Variants in ATE1 observed in about 807,000 individuals in gnomAD.
The protein encoded by ATE1 is arginyl-tRNA--protein transferase 1.
Under a neutral mutation model 70.5 loss-of-function variants are expected in ATE1, and 36 were observed. The ratio of observed to expected loss-of-function variants is 0.51; its 90% confidence interval spans 0.39 to 0.67. The LOEUF (loss-of-function observed/expected upper bound fraction) is 0.67. Ranked by LOEUF, ATE1 falls within the 30% of genes least tolerant of loss-of-function variation. ATE1 has a pLI of 0.00. For synonymous variants in ATE1, 232 were observed against 219.3 expected, an observed-to-expected ratio of 1.06 and a Z score of -0.51; for missense variants, 593 against 629.5, an observed-to-expected ratio of 0.94 and a Z score of 0.62.
chr10:121,901,966 C>T (rs1950998255), intron 6 of ATE1, among the ~76,000 whole-genome samples: 1 of 152,114 alleles, frequency 6.6e-6, no homozygotes, highest in Admixed American at 6.6e-5. Flanking sequence ...GTATATGACA[C>T]CATTTGCTGT....
intron 8 of ATE1, among the ~76,000 whole-genome samples, chr10:121,847,189 A>G (rs991489531): frequency 1.2e-4 from 18 of 152,194 alleles, no homozygotes; most frequent in Non-Finnish European, 2.1e-4. Context: ...TGTCTCACGC[A>G]TGTAATCCCA....
chr10:121,822,781 C>T (rs888124056), intron 10 of ATE1, among the ~76,000 whole-genome samples: 5 of 152,054 alleles, frequency 3.3e-5, no homozygotes, highest in Admixed American at 3.3e-4. Flanking sequence ...CCACTGAGTA[C>T]CTTATTTGCC....
chr10:121,756,237 CTCT>C (rs1177309244), intron 11 of ATE1, among the ~76,000 whole-genome samples: 2 of 152,230 alleles, frequency 1.3e-5, no homozygotes, highest in Non-Finnish European at 2.9e-5. Flanking sequence ...ATCCGGGTCA[CTCT>C]GATACAAGAG....
chr10:121,798,909 A>C (rs889211620), intron 10 of ATE1, among the ~76,000 whole-genome samples: 1 of 151,768 alleles, frequency 6.6e-6, no homozygotes, highest in East Asian at 1.9e-4. Flanking sequence ...AAGAAAAAAA[A>C]AAAAAAAGGT....
chr10:121,873,346 G>T (rs1313533975), intron 7 of ATE1, among the ~76,000 whole-genome samples: 1 of 152,052 alleles, frequency 6.6e-6, no homozygotes, highest in Non-Finnish European at 1.5e-5. Context: ...AAAGAAAAAG[G>T]ATACACACAG....
At chr10:121,810,809 TCTC>T (rs1464823528) in intron 10 of ATE1, among the ~76,000 whole-genome samples, 1 of 151,948 alleles carries the variant, frequency 6.6e-6, no homozygotes, top group Non-Finnish European at 1.5e-5. Context: ...TTCAAGCAAT[TCTC>T]CTGTCTCGGC....
At chr10:121,928,432 G>A (rs781490667), upstream of ATE1, 9 of 1,520,462 alleles carry the variant, frequency 5.9e-6, no homozygotes, top group Non-Finnish European at 7.9e-6. Context: ...CCGACGCCAT[G>A]GCCGCCGCGA....
At chr10:121,884,259 G>C (rs1950313127) in intron 7 of ATE1, among the ~76,000 whole-genome samples, 1 of 152,002 alleles carries the variant, frequency 6.6e-6, no homozygotes, top group South Asian at 2.1e-4. Flanking sequence ...AATGTTGTAT[G>C]ATGGTATGAT....
intron 8 of ATE1, among the ~76,000 whole-genome samples, chr10:121,852,926 C>T (rs906176388): frequency 1.3e-5 from 2 of 152,094 alleles, no homozygotes; most frequent in African/African-American, 4.8e-5. Context: ...GCAACAGATT[C>T]CTAATTTTCT....
At chr10:121,922,540 T>A (rs1353836923) in intron 2 of ATE1, 129 bp from the exon 3 acceptor site, 3 of 624,686 alleles carry the variant, frequency 4.8e-6, no homozygotes, top group Non-Finnish European at 5.7e-6. Context: ...TAGGTTTAAT[T>A]ACTCTTCATA....
At chr10:121,925,095 T>G (rs1393894390) in intron 1 of ATE1, among the ~76,000 whole-genome samples, 1 of 152,170 alleles carries the variant, frequency 6.6e-6, no homozygotes, top group Non-Finnish European at 1.5e-5. Flanking sequence ...TGGAGAAAAG[T>G]ATGTAACAAT....
chr10:121,838,295 C>T (rs1948502106), intron 9 of ATE1, among the ~76,000 whole-genome samples: 1 of 151,640 alleles, frequency 6.6e-6, no homozygotes, highest in African/African-American at 2.4e-5. Context: ...AGTGCTATTC[C>T]ACCTGCGTCC....
At chr10:121,875,419 C>T (rs1950019792) in intron 7 of ATE1, among the ~76,000 whole-genome samples, 1 of 150,648 alleles carries the variant, frequency 6.6e-6, no homozygotes, top group Non-Finnish European at 1.5e-5. Context: ...ATTCTCCCAC[C>T]TCAGCCTCCC....
intron 11 of ATE1, among the ~76,000 whole-genome samples, chr10:121,774,901 A>G (rs2135908681): frequency 6.6e-6 from 1 of 152,320 alleles, no homozygotes; most frequent in African/African-American, 2.4e-5. Context: ...ACACACTCAA[A>G]TGCATCTTTG....
chr10:121,880,221 A>G (rs565262722), intron 7 of ATE1, among the ~76,000 whole-genome samples: 1 of 152,320 alleles, frequency 6.6e-6, no homozygotes, highest in Admixed American at 6.5e-5. Context: ...AATTTACCAG[A>G]CCAACTAATG....
intron 7 of ATE1, among the ~76,000 whole-genome samples, chr10:121,887,128 C>A (rs1564928473): frequency 6.6e-6 from 1 of 152,134 alleles, no homozygotes; most frequent in African/African-American, 2.4e-5. Flanking sequence ...TGTGAACACA[C>A]AACTTGCAGA....
chr10:121,806,472 A>G (rs1464133107), intron 10 of ATE1, among the ~76,000 whole-genome samples: 4 of 152,156 alleles, frequency 2.6e-5, no homozygotes, highest in Admixed American at 1.3e-4. Context: ...CAAAAAACCC[A>G]TAACAAATGA....
At chr10:121,788,812 T>C (rs1428342251) in intron 11 of ATE1, among the ~76,000 whole-genome samples, 3 of 152,188 alleles carry the variant, frequency 2.0e-5, no homozygotes, top group African/African-American at 7.2e-5. Flanking sequence ...ACTGAGAATA[T>C]CAAGGAACTT....
chr10:121,755,928 C>T (rs145566150), intron 11 of ATE1, among the ~76,000 whole-genome samples: 1,563 of 152,256 alleles, frequency 0.01, 11 homozygotes, highest in African/African-American at 0.027. Context: ...CATTTTCAAA[C>T]CAATTATGCC....
Sources: allele counts gnomAD v4.1 joint callset (sites outside exome capture counted in the v4.1 genomes callset), GRCh38; gene constraint gnomAD v4.1.1; transcripts MANE v1.5; gene names NCBI Gene and HGNC (gene_info 2026-07-23, HGNC 2026-07-21).